The following ABI1 variants were observed in gnomAD, a reference collection of about 807,000 sequenced individuals.
ABI1 encodes Abelson interactor 1.
ABI1 carries 14 observed loss-of-function variants against 54.6 expected under a neutral mutation model. That is an observed-to-expected ratio of 0.26 (90% CI 0.17 to 0.40). The LOEUF (loss-of-function observed/expected upper bound fraction) is 0.40. Among genes scored for constraint, ABI1 ranks in the 10% least tolerant of loss-of-function variants. ABI1 has a pLI of 1.00. For synonymous variants in ABI1, 194 were observed against 209.3 expected (o/e 0.93, Z 0.63); for missense variants, 443 against 598.3 (o/e 0.74, Z 2.71).
At chr10:26,795,779 T>C (rs1844076374) in intron 2 of ABI1, among the ~76,000 whole-genome samples, 1 of 152,142 alleles carries the variant, frequency 6.6e-6, no homozygotes, top group South Asian at 2.1e-4. Context: ...CCCATGTTCA[T>C]AGATAGGAAT....
chr10:26,761,653 T>C lies in ABI1; in HGVS notation c.821-2415A>G, dbSNP rs1290211657. ...ATATATATATATATATATATATATA[T>C]ATATATATACACACACACATACACA... is the stretch of plus-strand genomic sequence containing the variant. On this transcript the variant is annotated intron_variant, in intron 7 of 10. Coordinates refer to ENST00000376140, the MANE Select transcript of ABI1 (RefSeq NM_001012750.3). 3.7e-4 allele frequency among the ~76,000 whole-genome samples: 43 copies of C among 115,130 alleles called. 1 individual carries two copies. The highest frequency in any genetic ancestry group is 1.3e-3 in the African/African-American group (37 of 29,508). The allele number at this position is 115,130 out of a possible 152,430, so 75.5% of individuals were successfully genotyped here.
In ABI1 at chr10:26,770,583, A is replaced by C. The variant is rs1840566398; in HGVS notation, c.478-238T>G. 4.4e-6 allele frequency: 3 copies of C among 682,734 alleles called. No homozygotes were observed. The East Asian group carries it at 8.8e-5, about 20-fold the overall frequency. 42.3% of individuals were successfully genotyped at this position (682,734 alleles called of 1,614,324 possible). ...AATACAGGTGAGATGACTGGATTTA[A>C]TATCTTATTTTATTGTTAAACATGT... On this transcript the variant is annotated intron_variant, in intron 4 of 10. Transcript: ENST00000376140.
chr10:26,853,522 T>C (rs953076258), intron 1 of ABI1, among the ~76,000 whole-genome samples: 6 of 147,590 alleles, frequency 4.1e-5, no homozygotes, highest in African/African-American at 1.5e-4. Context: ...CTATCAATTT[T>C]ACCTTACTTT....
chr10:26,842,593 T>C (rs953531551), intron 1 of ABI1, among the ~76,000 whole-genome samples: 3 of 152,194 alleles, frequency 2.0e-5, no homozygotes, highest in Non-Finnish European at 4.4e-5. Context: ...GCCAATTTCA[T>C]TGGTCTGGGG....
chr10:26,859,501 G>A (rs2051122616), intron 1 of ABI1, among the ~76,000 whole-genome samples: 1 of 152,184 alleles, frequency 6.6e-6, no homozygotes, highest in Non-Finnish European at 1.5e-5. Flanking sequence ...CTTACCAAAA[G>A]CAAGAGCATT....
intron 2 of ABI1, among the ~76,000 whole-genome samples, chr10:26,819,429 G>T (rs888683601): frequency 6.6e-6 from 1 of 152,054 alleles, no homozygotes; most frequent in Admixed American, 6.6e-5. Context: ...TTCAAAATAC[G>T]TAACAGAAAA....
intron 2 of ABI1, among the ~76,000 whole-genome samples, chr10:26,805,828 A>C (rs2133447359): frequency 6.6e-6 from 1 of 152,336 alleles, no homozygotes; most frequent in Non-Finnish European, 1.5e-5. Context: ...CAGATACAAG[A>C]AGCAGAGAAG....
Position 26,797,360 on chromosome 10 carries a change from C to T in ABI1, c.286-20119G>A, listed in dbSNP as rs574529743. 2.6e-4 allele frequency among the ~76,000 whole-genome samples: 39 copies of T among 152,264 alleles called. No homozygotes were observed. The South Asian group carries it at 8.1e-3, about 32-fold the overall frequency. On this transcript the variant is annotated intron_variant, in intron 2 of 10. Transcript: ENST00000376140. ...TCATTTATGTAAAAAGCCTGGTATA[C>T]AATATGCACTCTATAAGTGCTCTAG...
chr10:26,860,634 C>A lies in ABI1; in HGVS notation c.117+113G>T. On this transcript the variant is annotated intron_variant, in intron 1 of 10. Coordinates refer to ENST00000376140, the MANE Select transcript of ABI1 (RefSeq NM_001012750.3). The surrounding 1 kb of genome is among the most constrained non-coding windows in gnomAD (Gnocchi z 4.1). ...TGGGGTTGGGGCTGCGGTAGGGGCT[C>A]GGGTTGGTGGCAGCCGCTGAGGTCA... 1 of 818,612 alleles carries A rather than the reference C, an allele frequency of 1.2e-6. No homozygotes were observed. The highest frequency in any genetic ancestry group is 2.0e-6 in the Non-Finnish European group (1 of 489,246). The allele number at this position is 818,612 out of a possible 1,614,324, so 50.7% of individuals were successfully genotyped here. A position where few individuals can be genotyped will look rare whatever the true frequency, so the allele number is the denominator to read the frequency against.
At chr10:26,819,533 TC>T (rs1349605539) in intron 2 of ABI1, among the ~76,000 whole-genome samples, 4 of 152,294 alleles carry the variant, frequency 2.6e-5, no homozygotes, top group African/African-American at 9.6e-5. Context: ...TTAGATAGAA[TC>T]AGTAAAGATA....
chr10:26,857,320 C>CAAAAAAAA (rs71403897), intron 1 of ABI1, among the ~76,000 whole-genome samples: 1 of 75,966 alleles, frequency 1.3e-5, no homozygotes, highest in African/African-American at 4.0e-5. Context: ...GACTCCATCT[C>CAAAAAAAA]AAAAAAAAAA....
At chr10:26,765,099 T>C in intron 7 of ABI1, 119 bp downstream of exon 7, 1 of 726,848 alleles carries the variant, frequency 1.4e-6, no homozygotes, top group Non-Finnish European at 2.2e-6. Flanking sequence ...GCCTTTATTC[T>C]AGCAACGATC....
At chr10:26,829,129 G>A (rs1206612172) in intron 1 of ABI1, among the ~76,000 whole-genome samples, 1 of 152,036 alleles carries the variant, frequency 6.6e-6, no homozygotes, top group African/African-American at 2.4e-5. Flanking sequence ...GGGAGGCTGA[G>A]GCAGGAGAAT....
intron 2 of ABI1, among the ~76,000 whole-genome samples, chr10:26,782,111 T>C (rs1253991410): frequency 6.6e-6 from 1 of 152,174 alleles, no homozygotes; most frequent in East Asian, 1.9e-4. Context: ...ATGACACTTT[T>C]CCAGGGTCTG....
Position 26,751,791 on chromosome 10 carries a change from G to C in ABI1, c.1085-8C>G. The C allele has an allele frequency of 6.3e-7, 1 of 1,590,704 alleles. No individual in the cohort carries two copies. The highest frequency in any genetic ancestry group is 8.6e-7 in the Non-Finnish European group (1 of 1,168,616). ...GAGTTGGACTATCAGCAACTAAAAA[G>C]ATTCATATGATTGATTTGAATCAAA... On this transcript the variant is annotated splice_polypyrimidine_tract_variant and splice_region_variant and intron_variant, in intron 9 of 10. Coordinates refer to ENST00000376140, the MANE Select transcript of ABI1 (RefSeq NM_001012750.3).
Position 26,746,641 on chromosome 10 carries a change from A to T in ABI1, c.*1929T>A. On this transcript the variant is annotated 3_prime_UTR_variant, in exon 11 of 11. Coordinates refer to ENST00000376140, the MANE Select transcript of ABI1 (RefSeq NM_001012750.3). ...TTTTATTGCAAAAGTTTTTTCAGAA[A>T]ACTTTTTAAATGTAATTAATAAACC... The T allele has an allele frequency of 1.5e-6, 1 of 670,720 alleles. No individual in the cohort carries two copies. Among genetic ancestry groups the T allele is most frequent in the Non-Finnish European group, 2.5e-6 (1 of 392,164 alleles). 41.5% of individuals were successfully genotyped at this position (670,720 alleles called of 1,614,324 possible).
intron 1 of ABI1, among the ~76,000 whole-genome samples, chr10:26,827,661 C>T (rs1449953727): frequency 6.8e-6 from 1 of 147,608 alleles, no homozygotes; most frequent in Admixed American, 6.9e-5. Context: ...GGAGTGATCT[C>T]GGCTCACTGC....
At chr10:26,769,111 C>G (rs1165403391) in intron 5 of ABI1, 119 bp from the exon 6 acceptor site, 4 of 756,394 alleles carry the variant, frequency 5.3e-6, no homozygotes, top group Non-Finnish European at 7.7e-6. Context: ...ATATATATGA[C>G]AAAGTTTGTA....
At chr10:26,859,217 T>A (rs2051098953) in intron 1 of ABI1, among the ~76,000 whole-genome samples, 1 of 152,122 alleles carries the variant, frequency 6.6e-6, no homozygotes, top group Non-Finnish European at 1.5e-5. Context: ...AGTTCACTTA[T>A]CAGGAGAATT....
Sources: allele counts gnomAD v4.1 joint callset (sites outside exome capture counted in the v4.1 genomes callset), GRCh38; gene constraint gnomAD v4.1.1; non-coding constraint Gnocchi (gnomAD v3.1); transcripts MANE v1.5; gene names NCBI Gene and HGNC (gene_info 2026-07-23, HGNC 2026-07-21).